Variants in EDEM3 observed in about 807,000 individuals in gnomAD.
The protein encoded by EDEM3 is ER degradation-enhancing alpha-mannosidase-like protein 3.
A neutral mutation model predicts 110.2 loss-of-function variants in EDEM3; 60 were observed. The observed-to-expected ratio is 0.54, with a 90% CI of 0.44 to 0.67. The LOEUF (loss-of-function observed/expected upper bound fraction) is 0.67, where lower values mean the gene tolerates loss of function less well. EDEM3 is among the 30% of genes least tolerant of loss of function. EDEM3 has a pLI of 0.00. For missense variants in EDEM3, 996 were observed against 1,121.0 expected, an observed-to-expected ratio of 0.89 and a Z score of 1.59; for synonymous variants, 352 against 382.9, an observed-to-expected ratio of 0.92 and a Z score of 0.94.
At chr1:184,722,227 GAC>G (rs1305396050) in intron 8 of EDEM3, among the ~76,000 whole-genome samples, 1 of 151,934 alleles carries the variant, frequency 6.6e-6, no homozygotes, top group East Asian at 1.9e-4. Flanking sequence ...TCTATTGTAA[GAC>G]ACAACATTTT....
At position 184,712,612 on chromosome 1, in the gene EDEM3, T is replaced by C. The variant is rs773425504; in HGVS notation, c.1371-14A>G. ...AAAGAATCCATTCTAAAATAAAAAG[T>C]CACAAATAAATATAAGTAGATAAAA... On this transcript the variant is annotated splice_polypyrimidine_tract_variant and intron_variant, in intron 13 of 19. Transcript: ENST00000318130. The C allele has an allele frequency of 1.3e-6, 2 of 1,485,420 alleles. No individual in the cohort carries two copies. Among genetic ancestry groups the C allele is most frequent in the East Asian group, 4.7e-5 (2 of 42,982 alleles). The allele number at this position is 1,485,420 out of a possible 1,614,324, so 92.0% of individuals were successfully genotyped here.
chr1:184,746,648 A>G (rs546754179), intron 2 of EDEM3, among the ~76,000 whole-genome samples: 2 of 152,314 alleles, frequency 1.3e-5, no homozygotes, highest in South Asian at 2.1e-4. Flanking sequence ...TGTAACCCAG[A>G]TGAGAGGTGG....
chr1:184,719,420 T>C (rs1650748618), intron 10 of EDEM3, 23 bp downstream of exon 10: 1 of 1,603,500 alleles, frequency 6.2e-7, no homozygotes, highest in African/African-American at 1.3e-5. Flanking sequence ...ACATTCATAT[T>C]AAGAAGACAG....
chr1:184,754,677 T>A lies in EDEM3; in HGVS notation c.-31A>T. The A allele has an allele frequency of 6.6e-7, 1 of 1,511,246 alleles. No homozygotes were observed. The highest frequency in any genetic ancestry group is 2.5e-5 in the East Asian group (1 of 39,978). 93.6% of individuals were successfully genotyped at this position (1,511,246 alleles called of 1,614,324 possible). A position where few individuals can be genotyped will look rare whatever the true frequency, so the allele number is the denominator to read the frequency against. The stretch of plus-strand genomic sequence containing the variant: ...CGCGGTTCCGCGCACGCGCAGCTGC[T>A]ACGCCCGGCCGGTGAGACACATTGC... On this transcript the variant is annotated 5_prime_UTR_variant, in exon 1 of 20. It removes the in-frame stop codon of an upstream open reading frame in the 5' UTR. Coordinates refer to ENST00000318130, the MANE Select transcript of EDEM3 (RefSeq NM_025191.4).
intron 2 of EDEM3, among the ~76,000 whole-genome samples, chr1:184,738,097 C>A (rs904157932): frequency 6.6e-6 from 1 of 152,176 alleles, no homozygotes; most frequent in South Asian, 2.1e-4. Context: ...ATTGCTCTAA[C>A]ATTTGTCACT....
At chr1:184,747,220 A>C (rs1652480414) in intron 2 of EDEM3, among the ~76,000 whole-genome samples, 1 of 152,202 alleles carries the variant, frequency 6.6e-6, no homozygotes, top group Non-Finnish European at 1.5e-5. Context: ...CTCATTTTAC[A>C]TAGAAAGACA....
chr1:184,732,561 T>G (rs189771755), intron 6 of EDEM3, among the ~76,000 whole-genome samples: 44 of 152,336 alleles, frequency 2.9e-4, no homozygotes, highest in African/African-American at 9.9e-4. Flanking sequence ...TGTATGATTG[T>G]ATCAAAATAT....
In EDEM3 at chr1:184,693,649, T is replaced by C. The variant is rs1162997611; in HGVS notation, c.*414A>G. 2 of 161,288 alleles carry C rather than the reference T, an allele frequency of 1.2e-5. No homozygotes were observed. The highest frequency in any genetic ancestry group is 2.7e-5 in the Non-Finnish European group (2 of 73,472). The allele number at this position is 161,288 out of a possible 1,614,324, so 10.0% of individuals were successfully genotyped here. ...GGATGCATCTTCCCAAAAGAGCCTC[T>C]AACCCCCAAAACCAAGAAAGGCGAG... On this transcript the variant is annotated 3_prime_UTR_variant, in exon 20 of 20. Transcript: ENST00000318130.
intron 2 of EDEM3, among the ~76,000 whole-genome samples, chr1:184,741,499 C>T (rs1652138092): frequency 2.0e-5 from 3 of 151,942 alleles, no homozygotes. Flanking sequence ...AATAGTTTTG[C>T]TATTTTTTTC....
chr1:184,717,811 A>G (rs1047988789), intron 11 of EDEM3, among the ~76,000 whole-genome samples, 188 bp from the exon 12 acceptor site: 3 of 152,022 alleles, frequency 2.0e-5, no homozygotes, highest in African/African-American at 7.2e-5. Context: ...ATTTTTACCA[A>G]TTAAATTGAT....
rs12091830 is a variant in EDEM3 at position 184,747,986 on chromosome 1, C to T, written c.204+1561G>A. Among the ~76,000 whole-genome samples, 304 of 152,292 alleles carry T rather than the reference C, an allele frequency of 2.0e-3. 2 individuals are homozygous for T. Among genetic ancestry groups the T allele is most frequent in the South Asian group, 6.4e-3 (31 of 4,824 alleles). On this transcript the variant is annotated intron_variant, in intron 2 of 19. Transcript: ENST00000318130. The stretch of plus-strand genomic sequence containing the variant: ...AACTTTGGAACTGCATTCATCAGTA[C>T]GCATTTATGAGATGGCTAAGGTCTG...
At chr1:184,721,481 C>T (rs904293066) in intron 8 of EDEM3, 95 bp from the exon 9 acceptor site, 12 of 815,406 alleles carry the variant, frequency 1.5e-5, no homozygotes, top group Non-Finnish European at 2.3e-5. Context: ...ATTAAATTAA[C>T]ATTGTGCATA....
At chr1:184,701,899 C>T (rs1649646521) in intron 19 of EDEM3, among the ~76,000 whole-genome samples, 1 of 152,004 alleles carries the variant, frequency 6.6e-6, no homozygotes, top group Non-Finnish European at 1.5e-5. Flanking sequence ...TATCACCGAA[C>T]ATTTTTTTTT....
chr1:184,701,900 AT>A (rs1009765801), intron 19 of EDEM3, among the ~76,000 whole-genome samples: 2 of 151,372 alleles, frequency 1.3e-5, no homozygotes, highest in East Asian at 1.9e-4. Context: ...ATCACCGAAC[AT>A]TTTTTTTTAA....
chr1:184,712,364 C>G, intron 14 of EDEM3, 69 bp downstream of exon 14: 1 of 1,388,804 alleles, frequency 7.2e-7, no homozygotes, highest in East Asian at 2.4e-5. Flanking sequence ...TCATGGATTA[C>G]TTTTCACTTG....
chr1:184,736,031 C>G (rs973772768), intron 4 of EDEM3, among the ~76,000 whole-genome samples: 1 of 152,086 alleles, frequency 6.6e-6, no homozygotes, highest in African/African-American at 2.4e-5. Context: ...CCATTAATCT[C>G]CAAAAAATGA....
intron 6 of EDEM3, among the ~76,000 whole-genome samples, chr1:184,730,838 G>A (rs965542186): frequency 6.7e-6 from 1 of 149,742 alleles, no homozygotes; most frequent in Non-Finnish European, 1.5e-5. Flanking sequence ...GGGTGATAGA[G>A]ATGGTAAGCC....
At chr1:184,717,144 G>T in intron 12 of EDEM3, 132 bp from the exon 13 acceptor site, 1 of 627,668 alleles carries the variant, frequency 1.6e-6, no homozygotes. Context: ...ACATTATATA[G>T]AACTGAGTTC....
rs771854169 is a variant in EDEM3, at chr1:184,725,175, A to AT, written c.747+1079dup. On this transcript the variant is annotated intron_variant, in intron 7 of 19. Transcript: ENST00000318130. ...ACAACAAATTACTGCGTATTCAAGA[A>AT]TTTTTTTTTTTAAATCATGACTTTC... Among the ~76,000 whole-genome samples, 442 of 149,844 alleles carry AT rather than the reference A, an allele frequency of 2.9e-3. 5 individuals are homozygous for AT. In the East Asian group the frequency reaches 0.036, roughly 12 times the overall value.
Sources: allele counts gnomAD v4.1 joint callset (sites outside exome capture counted in the v4.1 genomes callset), GRCh38; gene constraint gnomAD v4.1.1; transcripts MANE v1.5; gene names NCBI Gene and HGNC (gene_info 2026-07-23, HGNC 2026-07-21).